The following CEP120 variants were observed in gnomAD, a reference collection of about 807,000 sequenced individuals.
CEP120 encodes centrosomal protein of 120 kDa.
CEP120 carries 113 observed loss-of-function variants against 126.5 expected under a neutral mutation model. That is an observed-to-expected ratio of 0.89 (90% CI 0.77 to 1.04). The LOEUF is 1.04. Among genes scored for constraint, CEP120 ranks in the 50% least tolerant of loss-of-function variants. The pLI, the probability that CEP120 is intolerant of heterozygous loss-of-function variation, is 0.00. For missense variants in CEP120, 1,230 were observed against 1,155.7 expected, an observed-to-expected ratio of 1.06 and a Z score of -0.93; for synonymous variants, 400 against 394.3, an observed-to-expected ratio of 1.01 and a Z score of -0.17.
chr5:123,384,341 AATGTT>A (rs377670460), intron 11 of CEP120, among the ~76,000 whole-genome samples: 1 of 152,184 alleles, frequency 6.6e-6, no homozygotes, highest in African/African-American at 2.4e-5. Flanking sequence ...TATGATATAT[AATGTT>A]AAGTTAAATT....
At chr5:123,411,069 T>C (rs981414976) in intron 4 of CEP120, among the ~76,000 whole-genome samples, 2 of 152,178 alleles carry the variant, frequency 1.3e-5, no homozygotes, top group South Asian at 2.1e-4. Flanking sequence ...TAGGTAAGCA[T>C]ATGCAAACAT....
At chr5:123,382,603 AG>A (rs1431200518) in intron 13 of CEP120, 133 bp downstream of exon 13, 5 of 779,992 alleles carry the variant, frequency 6.4e-6, no homozygotes, top group Non-Finnish European at 9.3e-6. Context: ...AATTTTTTTA[AG>A]TAAAGCATTG....
intron 17 of CEP120, among the ~76,000 whole-genome samples, chr5:123,366,389 T>C (rs963578768): frequency 6.6e-6 from 1 of 151,820 alleles, no homozygotes; most frequent in East Asian, 1.9e-4. Context: ...CCAAGTTATA[T>C]ACTCCTGAAA....
At chr5:123,412,307 T>C in intron 4 of CEP120, 92 bp downstream of exon 4, 1 of 1,212,228 alleles carries the variant, frequency 8.2e-7, no homozygotes, top group South Asian at 1.8e-5. Context: ...GTTTACACCC[T>C]GCATATATGT....
rs994622356 is a variant in CEP120 at position 123,349,951 on chromosome 5, A to G, written c.2719T>C (p.Leu907=). 2 of 1,612,932 alleles carry G rather than the reference A, an allele frequency of 1.2e-6. No homozygotes were observed. The highest frequency in any genetic ancestry group is 2.7e-5 in the African/African-American group (2 of 74,822). ...RQELLDIRNE[L]NRLRQQEQKQ... ...CACTTTTAGTTATTATACCTGTTCA[A>G]TTCATTTCTTATATCCAACAATTCT... The change falls in exon 19 of 20, where the codon TTG becomes CTG. Residue 907 remains leucine (L), a synonymous_variant. Coordinates refer to ENST00000306467, the MANE Select transcript of CEP120 (RefSeq NM_001375405.1).
At chr5:123,384,894 A>C in intron 11 of CEP120, 57 bp downstream of exon 11, 1 of 1,456,930 alleles carries the variant, frequency 6.9e-7, no homozygotes, top group South Asian at 1.4e-5. Flanking sequence ...CTGACTAATC[A>C]AAATCATTCC....
chr5:123,371,812 C>A (rs550262471), intron 17 of CEP120, among the ~76,000 whole-genome samples: 111 of 152,206 alleles, frequency 7.3e-4, no homozygotes, highest in African/African-American at 2.5e-3. Context: ...AGGAAGCCTT[C>A]AACACAAAGC....
chr5:123,348,714 C>T (rs985255697), intron 19 of CEP120, among the ~76,000 whole-genome samples: 1 of 152,068 alleles, frequency 6.6e-6, no homozygotes, highest in Non-Finnish European at 1.5e-5. Context: ...CTGTCAAATT[C>T]AGATGTTGAA....
chr5:123,388,222 A>G (rs939403584), intron 9 of CEP120: 1 of 321,710 alleles, frequency 3.1e-6, no homozygotes, highest in African/African-American at 2.1e-5. Context: ...TACAATTATT[A>G]TATCAGAATA....
chr5:123,389,483 A>G (rs1167055268), intron 8 of CEP120, among the ~76,000 whole-genome samples: 1 of 152,160 alleles, frequency 6.6e-6, no homozygotes, highest in East Asian at 1.9e-4. Context: ...GAAATTTTTT[A>G]TATTTCCACA....
chr5:123,414,801 CTAAAAATTCAA>C (rs1303274738), intron 3 of CEP120, among the ~76,000 whole-genome samples: 1 of 150,726 alleles, frequency 6.6e-6, no homozygotes, highest in Non-Finnish European at 1.5e-5. Context: ...CCCGTCTCTA[CTAAAAATTCAA>C]AAAAAAAAAA....
intron 4 of CEP120, chr5:123,402,004 GCTCCA>G: frequency 6.2e-7 from 1 of 1,606,892 alleles, no homozygotes; most frequent in Non-Finnish European, 8.5e-7. Context: ...TTGTTCTGCT[GCTCCA>G]GGAACCGTAC....
intron 14 of CEP120, among the ~76,000 whole-genome samples, chr5:123,379,469 G>C (rs377229151): frequency 6.6e-6 from 1 of 151,814 alleles, no homozygotes; most frequent in Middle Eastern, 3.2e-3. Context: ...CTCAACCAGG[G>C]TTTATCATCT....
At chr5:123,410,137 A>C (rs969691044) in intron 4 of CEP120, among the ~76,000 whole-genome samples, 1 of 152,172 alleles carries the variant, frequency 6.6e-6, no homozygotes, top group African/African-American at 2.4e-5. Flanking sequence ...ATTCGTATAT[A>C]AATCTAACAA....
rs1455344114 is a variant in CEP120, at chr5:123,388,436, A to G, written c.1426T>C (p.Leu476=). 2.7e-5 allele frequency: 42 copies of G among 1,540,410 alleles called. No homozygotes were observed. The highest frequency in any genetic ancestry group is 3.6e-5 in the Non-Finnish European group (41 of 1,145,040). The change falls in exon 9 of 20, where the codon TTA becomes CTA. Residue 476 remains leucine, a synonymous_variant. Transcript: ENST00000306467. ...LEIGFPINCI[L]RYSYPFFGSA... is the part of the protein sequence containing the mutation. ...TGAAACAAAATCAAATCACACCTTA[A>G]TATACAGTTGATTGGAAAACCAATC...
chr5:123,366,186 G>T (rs1466693197), intron 17 of CEP120, among the ~76,000 whole-genome samples: 1 of 151,506 alleles, frequency 6.6e-6, no homozygotes, highest in African/African-American at 2.4e-5. Context: ...ATGTCTCTGT[G>T]ATTCTAAAGA....
At chr5:123,384,037 TTC>T (rs1164723273) in intron 11 of CEP120, among the ~76,000 whole-genome samples, 4 of 152,132 alleles carry the variant, frequency 2.6e-5, no homozygotes, top group Non-Finnish European at 4.4e-5. Flanking sequence ...GTATCTAAGG[TTC>T]TCACTTAAGT....
chr5:123,378,122 T>TA (rs796580131), intron 15 of CEP120, among the ~76,000 whole-genome samples: 13 of 141,200 alleles, frequency 9.2e-5, no homozygotes, highest in African/African-American at 3.1e-4. Flanking sequence ...TACTTACTAA[T>TA]AACACCACTT....
intron 14 of CEP120, among the ~76,000 whole-genome samples, chr5:123,379,285 T>C (rs1195072297): frequency 1.3e-5 from 2 of 152,092 alleles, no homozygotes; most frequent in African/African-American, 4.8e-5. Context: ...TTCACTACTA[T>C]TAGTTTTTGG....
Sources: gnomAD v4.1 joint callset for allele counts (sites outside exome capture counted in the v4.1 genomes callset) on GRCh38, gnomAD v4.1.1 for gene constraint, MANE v1.5 for transcripts, NCBI Gene and HGNC (gene_info 2026-07-23, HGNC 2026-07-21) for gene names.